The following NEK10 variants were observed in gnomAD, a reference collection of about 807,000 sequenced individuals.
NEK10 encodes NIMA related kinase 10.
A neutral mutation model predicts 159.8 loss-of-function variants in NEK10; 122 were observed. The ratio of observed to expected loss-of-function variants is 0.76; its 90% CI spans 0.66 to 0.89. NEK10 has a LOEUF of 0.89. Among genes scored for constraint, NEK10 ranks in the 40% least tolerant of loss-of-function variants. The probability of loss-of-function intolerance (pLI) is 0.00; values close to 1 mark genes in which losing one functional copy is unlikely to be tolerated. For synonymous variants in NEK10, 466 were observed against 457.1 expected (o/e 1.02, Z -0.25); for missense variants, 1,342 against 1,323.1 (o/e 1.01, Z -0.22).
chr3:27,299,770 T>C (rs1575642866), intron 13 of NEK10, among the ~76,000 whole-genome samples: 1 of 152,218 alleles, frequency 6.6e-6, no homozygotes, highest in African/African-American at 2.4e-5. Flanking sequence ...GGAGATCATT[T>C]TGGAGCTTTA....
Position 27,236,291 on chromosome 3 carries a change from A to T in NEK10, c.2090+20005T>A, listed in dbSNP as rs1451581107. Among the ~76,000 whole-genome samples the T allele has an allele frequency of 2.0e-5, 3 of 152,178 alleles. No individual in the cohort carries two copies. The East Asian group carries it at 5.8e-4, about 29-fold the overall frequency. Reference sequence around the variant, plus strand: ...CTGCACATGTACACCTGAACTTAAAAGTTAAAAAATAAGTAAATAAATAAA... The same window carrying T: ...CTGCACATGTACACCTGAACTTAAATGTTAAAAAATAAGTAAATAAATAAA... On this transcript the variant is annotated intron_variant, in intron 23 of 35. Coordinates refer to ENST00000691995, the MANE Select transcript of NEK10 (RefSeq NM_001394966.1).
intron 26 of NEK10, among the ~76,000 whole-genome samples, chr3:27,188,754 T>G (rs1334874082): frequency 6.6e-6 from 1 of 152,236 alleles, no homozygotes; most frequent in Admixed American, 6.5e-5. Context: ...GCTGTCTCTA[T>G]AAAATCCCAA....
intron 4 of NEK10, among the ~76,000 whole-genome samples, chr3:27,345,068 C>G (rs1028924019): frequency 6.6e-6 from 1 of 152,162 alleles, no homozygotes; most frequent in Non-Finnish European, 1.5e-5. Context: ...GGTCACATTG[C>G]TACCAAATAC....
At chr3:27,165,599 A>G (rs959427054) in intron 29 of NEK10, among the ~76,000 whole-genome samples, 8 of 152,208 alleles carry the variant, frequency 5.3e-5, no homozygotes, top group Non-Finnish European at 8.8e-5. Context: ...CTTCAGGCCA[A>G]TGGAAGAATT....
intron 23 of NEK10, among the ~76,000 whole-genome samples, chr3:27,220,186 T>C (rs2149146778): frequency 6.6e-6 from 1 of 152,292 alleles, no homozygotes; most frequent in East Asian, 1.9e-4. Flanking sequence ...ACAAATTCAG[T>C]GGTTTAGAAC....
chr3:27,247,036 G>T (rs1278136665), intron 23 of NEK10, among the ~76,000 whole-genome samples: 3 of 152,014 alleles, frequency 2.0e-5, no homozygotes, highest in Admixed American at 6.6e-5. Context: ...ATAAGATCAG[G>T]TTTTTCCAAA....
chr3:27,116,944 A>C (rs987220532), intron 33 of NEK10, among the ~76,000 whole-genome samples: 1 of 152,090 alleles, frequency 6.6e-6, no homozygotes, highest in Admixed American at 6.6e-5. Flanking sequence ...AGCATGCATT[A>C]GCTATTTATC....
chr3:27,161,724 T>G (rs1946026150), intron 30 of NEK10, among the ~76,000 whole-genome samples: 3 of 152,316 alleles, frequency 2.0e-5, no homozygotes, highest in South Asian at 2.1e-4. Flanking sequence ...TGTTTAAGGA[T>G]CTATAATTTT....
At chr3:27,112,828 G>A (rs575102720) in intron 35 of NEK10, among the ~76,000 whole-genome samples, 35 of 152,124 alleles carry the variant, frequency 2.3e-4, no homozygotes, top group African/African-American at 7.2e-4. Context: ...GAAACCTATT[G>A]GGGAAAAATG....
At chr3:27,338,385 C>T (rs535761284) in intron 5 of NEK10, among the ~76,000 whole-genome samples, 10 of 152,166 alleles carry the variant, frequency 6.6e-5, no homozygotes, top group African/African-American at 1.7e-4. Flanking sequence ...TGAATAGTGC[C>T]GCAATAAACA....
chr3:27,143,566 G>C (rs1396549497), intron 30 of NEK10: 2 of 635,856 alleles, frequency 3.1e-6, no homozygotes, highest in Non-Finnish European at 5.7e-6. Context: ...TTTTTATTGA[G>C]ACCCTTTGAC....
In NEK10 at chr3:27,139,515, C is replaced by T. The variant is rs142422460; in HGVS notation, c.2970+1967G>A. ...AGATTTTGCTATTACATTTCAGCAG[C>T]AACCCAGAGAACATGTACAGGAGTG... On this transcript the variant is annotated intron_variant, in intron 31 of 35. Coordinates refer to ENST00000691995, the MANE Select transcript of NEK10 (RefSeq NM_001394966.1). Among the ~76,000 whole-genome samples the T allele has an allele frequency of 7.2e-5, 11 of 152,218 alleles. No individual in the cohort carries two copies. The South Asian group carries it at 2.3e-3, about 32-fold the overall frequency.
At chr3:27,174,598 T>C (rs753907425) in intron 27 of NEK10, 52 bp downstream of exon 27, 47 of 1,597,850 alleles carry the variant, frequency 2.9e-5, no homozygotes, top group Non-Finnish European at 3.8e-5. Flanking sequence ...ACATTCATGT[T>C]GACACACTGC....
At chr3:27,152,249 C>A (rs973010040) in intron 30 of NEK10, among the ~76,000 whole-genome samples, 4 of 152,098 alleles carry the variant, frequency 2.6e-5, no homozygotes, top group African/African-American at 9.7e-5. Flanking sequence ...GGCAGAAGCA[C>A]CAGGTAACCT....
intron 7 of NEK10, among the ~76,000 whole-genome samples, chr3:27,314,061 T>G (rs922036142): frequency 2.6e-5 from 4 of 152,138 alleles, no homozygotes; most frequent in African/African-American, 9.7e-5. Context: ...TTTATAGCAC[T>G]TTCTCATTTC....
intron 22 of NEK10, among the ~76,000 whole-genome samples, chr3:27,281,738 G>A (rs948262452): frequency 5.3e-5 from 8 of 152,000 alleles, no homozygotes; most frequent in South Asian, 2.1e-4. Flanking sequence ...GTCTACAATC[G>A]GAAGACCAAC....
At chr3:27,272,002 T>C (rs571030749) in intron 22 of NEK10, among the ~76,000 whole-genome samples, 9 of 152,292 alleles carry the variant, frequency 5.9e-5, no homozygotes, top group African/African-American at 2.2e-4. Flanking sequence ...AGTCCCTAGA[T>C]TCTTGCTCTC....
At chr3:27,259,169 G>T (rs907347368) in intron 22 of NEK10, among the ~76,000 whole-genome samples, 2 of 151,688 alleles carry the variant, frequency 1.3e-5, no homozygotes, top group African/African-American at 4.8e-5. Flanking sequence ...TCTGTAGGTT[G>T]CCTGTTGACT....
chr3:27,198,299 A>G (rs1949734366), intron 25 of NEK10, among the ~76,000 whole-genome samples: 1 of 151,350 alleles, frequency 6.6e-6, no homozygotes, highest in African/African-American at 2.5e-5. Context: ...ATGGAACCAA[A>G]AGAGCAACTG....
Sources: gnomAD v4.1 joint callset for allele counts (sites outside exome capture counted in the v4.1 genomes callset) on GRCh38, gnomAD v4.1.1 for gene constraint, MANE v1.5 for transcripts, NCBI Gene and HGNC (gene_info 2026-07-23, HGNC 2026-07-21) for gene names.